The following C2orf76 variants were observed in gnomAD, a reference collection of about 807,000 sequenced individuals.
The protein encoded by C2orf76 is UPF0538 protein C2orf76.
A neutral mutation model predicts 16.9 loss-of-function variants in C2orf76; 23 were observed. That is an observed-to-expected ratio of 1.36 (90% CI 0.98 to 1.93). The LOEUF is 1.93. Among genes scored for constraint, C2orf76 ranks in the 30% most tolerant of loss-of-function variants. The probability of loss-of-function intolerance (pLI) is 0.00; values close to 1 mark genes in which losing one functional copy is unlikely to be tolerated. For missense variants in C2orf76, 152 were observed against 152.6 expected, an observed-to-expected ratio of 1.00 and a Z score of 0.02; for synonymous variants, 48 against 52.3, an observed-to-expected ratio of 0.92 and a Z score of 0.35.
intron 1 of C2orf76, among the ~76,000 whole-genome samples, chr2:119,360,787 A>G (rs1243676598): frequency 6.6e-6 from 1 of 152,240 alleles, no homozygotes; most frequent in Non-Finnish European, 1.5e-5. Context: ...ATGATGGAAT[A>G]GTACTCAGGG....
chr2:119,313,664 A>G (rs1679071988), intron 4 of C2orf76, among the ~76,000 whole-genome samples: 1 of 152,204 alleles, frequency 6.6e-6, no homozygotes, highest in Non-Finnish European at 1.5e-5. Flanking sequence ...ATATATGAAT[A>G]GAAAGTGAAA....
At chr2:119,348,046 CAAAAAAA>C (rs1205382710) in intron 1 of C2orf76, among the ~76,000 whole-genome samples, 55 of 81,986 alleles carry the variant, frequency 6.7e-4, no homozygotes, top group South Asian at 8.7e-4. Flanking sequence ...GGCTCTGTCT[CAAAAAAA>C]AAAAAAAAAA....
chr2:119,327,903 T>G (rs1234211981), intron 2 of C2orf76, among the ~76,000 whole-genome samples: 1 of 152,230 alleles, frequency 6.6e-6, no homozygotes, highest in Non-Finnish European at 1.5e-5. Context: ...TGGGCAAGAA[T>G]TTTTACATCT....
chr2:119,344,863 T>C (rs1439299061), intron 1 of C2orf76, among the ~76,000 whole-genome samples: 2 of 152,138 alleles, frequency 1.3e-5, no homozygotes, highest in Admixed American at 6.6e-5. Flanking sequence ...AAGTCAGACT[T>C]AAGATTATAG....
At chr2:119,322,614 G>A (rs1394189389) in intron 2 of C2orf76, among the ~76,000 whole-genome samples, 1 of 152,140 alleles carries the variant, frequency 6.6e-6, no homozygotes, top group Admixed American at 6.5e-5. Context: ...GTTAGGAAAA[G>A]TCCAAATGTC....
At chr2:119,340,796 AC>A (rs2104606222) in intron 1 of C2orf76, among the ~76,000 whole-genome samples, 1 of 146,254 alleles carries the variant, frequency 6.8e-6, no homozygotes. Context: ...ACACACACAC[AC>A]ACACAAATTG....
At chr2:119,301,435 A>C (rs751945643), downstream of C2orf76, among the ~76,000 whole-genome samples, 2 of 152,222 alleles carry the variant, frequency 1.3e-5, no homozygotes, top group Non-Finnish European at 2.9e-5. Context: ...TAATGAAACC[A>C]ATTTGCCCTC....
chr2:119,343,143 G>T (rs1680088989), intron 1 of C2orf76, among the ~76,000 whole-genome samples: 1 of 152,110 alleles, frequency 6.6e-6, no homozygotes, highest in Admixed American at 6.6e-5. Flanking sequence ...AGCATGTTTT[G>T]TGGTTAATGA....
At chr2:119,317,640 A>G in intron 3 of C2orf76, 137 bp from the exon 4 acceptor site, 1 of 535,838 alleles carries the variant, frequency 1.9e-6, no homozygotes, top group Non-Finnish European at 3.2e-6. Context: ...TTAGAAATAT[A>G]CTATACAGCA....
chr2:119,314,173 C>T (rs1479445394), intron 4 of C2orf76, among the ~76,000 whole-genome samples: 1 of 151,270 alleles, frequency 6.6e-6, no homozygotes, highest in African/African-American at 2.4e-5. Context: ...TTTTAAATTC[C>T]CTGTTCTCTT....
At chr2:119,317,310 T>C (rs1679200203) in intron 4 of C2orf76, among the ~76,000 whole-genome samples, 156 bp downstream of exon 4, 1 of 152,162 alleles carries the variant, frequency 6.6e-6, no homozygotes, top group Non-Finnish European at 1.5e-5. Flanking sequence ...TTTTCTTCAA[T>C]GAAAAAGCTA....
chr2:119,348,046 CAAAAAAAAAAAA>C (rs1205382710), intron 1 of C2orf76, among the ~76,000 whole-genome samples: 1 of 81,988 alleles, frequency 1.2e-5, no homozygotes, highest in Non-Finnish European at 2.4e-5. Flanking sequence ...GGCTCTGTCT[CAAAAAAAAAAAA>C]AAAAAAAAAA....
In C2orf76 at chr2:119,314,990, AGT is replaced by A. The variant is rs141039847; in HGVS notation, c.222+2474_222+2475del. Among the ~76,000 whole-genome samples the A allele has an allele frequency of 2.8e-4, 43 of 152,298 alleles. No homozygotes were observed. In the East Asian group the frequency reaches 7.9e-3, roughly 28 times the overall value. On this transcript the variant is annotated intron_variant, in intron 4 of 5. Transcript: ENST00000334816. ...CGCAGAGTTTAGATGCGTATTTTCA[AGT>A]GTGTGTGTGGTGAGGGGTGAGGAAG...
At chr2:119,357,304 C>CCTTA (rs1230668134) in intron 1 of C2orf76, among the ~76,000 whole-genome samples, 2 of 152,086 alleles carry the variant, frequency 1.3e-5, no homozygotes, top group African/African-American at 2.4e-5. Context: ...ACATGAAAAT[C>CCTTA]CTTAGTAAGA....
At chr2:119,355,157 G>C (rs773762036) in intron 1 of C2orf76, among the ~76,000 whole-genome samples, 12 of 152,184 alleles carry the variant, frequency 7.9e-5, no homozygotes, top group Non-Finnish European at 1.5e-4. Context: ...CATTTAGAAA[G>C]AATATTTCAT....
chr2:119,286,546 A>C, the C2orf76 span, among the ~76,000 whole-genome samples: 1 of 152,116 alleles, frequency 6.6e-6, no homozygotes, highest in African/African-American at 2.4e-5. Context: ...CCATAGCTGG[A>C]GGAGAAGCTG....
chr2:119,281,798 G>A, the C2orf76 span, among the ~76,000 whole-genome samples: 1 of 152,022 alleles, frequency 6.6e-6, no homozygotes, highest in Non-Finnish European at 1.5e-5. Flanking sequence ...ACAGAGAGAG[G>A]GAAGCAAGTG....
intron 1 of C2orf76, among the ~76,000 whole-genome samples, chr2:119,348,594 G>C (rs911758359): frequency 1.3e-5 from 2 of 152,208 alleles, no homozygotes; most frequent in Non-Finnish European, 2.9e-5. Context: ...GCTGAGGAAG[G>C]AGATTCGCTT....
chr2:119,364,927 AT>A (rs1016310443), intron 1 of C2orf76, among the ~76,000 whole-genome samples: 2 of 151,992 alleles, frequency 1.3e-5, no homozygotes, highest in Admixed American at 1.3e-4. Flanking sequence ...AAAAATAAAA[AT>A]AAAAAAATTA....
Sources: allele counts gnomAD v4.1 joint callset (sites outside exome capture counted in the v4.1 genomes callset), GRCh38; gene constraint gnomAD v4.1.1; transcripts MANE v1.5; gene names NCBI Gene and HGNC (gene_info 2026-07-23, HGNC 2026-07-21).